Variants in TMEM26 observed in about 807,000 individuals in gnomAD.
The protein encoded by TMEM26 is transmembrane protein 26.
In TMEM26, 38 loss-of-function variants were observed where a neutral mutation model predicts 28.8. The observed-to-expected ratio is 1.32, with a 90% confidence interval of 1.02 to 1.73. The LOEUF (loss-of-function observed/expected upper bound fraction) is 1.73, where lower values mean the gene tolerates loss of function less well. TMEM26 is among the 40% of genes most tolerant of loss of function. The pLI, the probability that TMEM26 is intolerant of heterozygous loss-of-function variation, is 0.00. For synonymous variants in TMEM26, 227 were observed against 182.9 expected (o/e 1.24, Z -1.95); for missense variants, 518 against 447.1 (o/e 1.16, Z -1.43).
chr10:61,424,032 T>C (rs762242417), intron 4 of TMEM26, among the ~76,000 whole-genome samples: 80 of 152,190 alleles, frequency 5.3e-4, no homozygotes, highest in Non-Finnish European at 5.3e-4. Context: ...GCTTATCTTT[T>C]GAGATTGAAA....
In TMEM26 at chr10:61,410,477, G is replaced by C; in HGVS notation, c.952C>G (p.Gln318Glu). 6.2e-7 allele frequency: 1 copy of C among 1,614,130 alleles called. No homozygotes were observed. Among genetic ancestry groups the C allele is most frequent in the South Asian group, 1.1e-5 (1 of 91,066 alleles). The change falls in exon 6 of 6, where the codon CAG (glutamine) becomes GAG (glutamate). Residue 318 changes from glutamine (Q) to glutamate (E), a missense_variant. Gln to Glu is a conservative substitution (Grantham distance 29, BLOSUM62 2). Transcript: ENST00000399298. The part of the protein sequence containing the change: ...ALAVRASLRS[Q>E]SEGLKGEHGC... ...TGTTCTCCTTTCAGGCCTTCTGACTGACTTCTCAACGAAGCACGGACTGCC... is the reference window on the plus strand; with the variant it reads ...TGTTCTCCTTTCAGGCCTTCTGACTCACTTCTCAACGAAGCACGGACTGCC...
At chr10:61,450,054 A>T (rs1306222887) in intron 1 of TMEM26, among the ~76,000 whole-genome samples, 2 of 152,164 alleles carry the variant, frequency 1.3e-5, no homozygotes, top group African/African-American at 2.4e-5. Flanking sequence ...CTGATGGACA[A>T]TCAGTATGCT....
chr10:61,434,956 A>G (rs2135318248), intron 2 of TMEM26, among the ~76,000 whole-genome samples: 1 of 152,300 alleles, frequency 6.6e-6, no homozygotes, highest in East Asian at 1.9e-4. Context: ...AAGTTACCAA[A>G]ATATTATTAG....
At chr10:61,441,399 ATC>A (rs1840090638) in intron 1 of TMEM26, among the ~76,000 whole-genome samples, 9 of 152,188 alleles carry the variant, frequency 5.9e-5, no homozygotes, top group Admixed American at 3.9e-4. Flanking sequence ...TTAGTGTGAT[ATC>A]TTTGCCATTA....
intron 4 of TMEM26, chr10:61,416,217 C>T: frequency 2.5e-6 from 1 of 394,888 alleles, no homozygotes; most frequent in South Asian, 1.9e-5. Flanking sequence ...TCATCTAATC[C>T]CAAACTTCAA....
rs952783583 is a variant in TMEM26, at chr10:61,429,058, A to G, written c.473T>C (p.Ile158Thr). 1 of 1,613,404 alleles carries G rather than the reference A, an allele frequency of 6.2e-7. No homozygotes were observed. Among genetic ancestry groups the G allele is most frequent in the Non-Finnish European group, 8.5e-7 (1 of 1,179,502 alleles). ...LHQTFLLMLIIGRWLLPIGGG... is the reference protein window; with the variant it reads ...LHQTFLLMLITGRWLLPIGGG... Reference sequence around the variant, plus strand: ...TCCAATGGGTAGAAGCCATCTTCCAATTATTAGCATTAACAGGAATGTCTG... The same window carrying G: ...TCCAATGGGTAGAAGCCATCTTCCAGTTATTAGCATTAACAGGAATGTCTG... Residue 158 changes from isoleucine to threonine, a missense_variant, in exon 4 of 6, where the codon ATT (isoleucine) becomes ACT (threonine). Coordinates refer to ENST00000399298, the MANE Select transcript of TMEM26 (RefSeq NM_178505.8).
chr10:61,418,771 A>G (rs886220856), intron 4 of TMEM26, among the ~76,000 whole-genome samples: 3 of 151,966 alleles, frequency 2.0e-5, no homozygotes, highest in Non-Finnish European at 2.9e-5. Context: ...TTTAATAGAG[A>G]GATTCTTAAA....
At chr10:61,445,329 G>A (rs1437783336) in intron 1 of TMEM26, among the ~76,000 whole-genome samples, 1 of 152,150 alleles carries the variant, frequency 6.6e-6, no homozygotes, top group African/African-American at 2.4e-5. Flanking sequence ...TGGGAAATAA[G>A]AAAGCAAAGG....
At chr10:61,430,930 A>C (rs1390696518) in intron 3 of TMEM26, among the ~76,000 whole-genome samples, 1 of 152,060 alleles carries the variant, frequency 6.6e-6, no homozygotes, top group Non-Finnish European at 1.5e-5. Context: ...TCATTGTTTC[A>C]TAAATGTATA....
chr10:61,429,984 G>A (rs1003551731), intron 3 of TMEM26, among the ~76,000 whole-genome samples: 6 of 152,020 alleles, frequency 3.9e-5, no homozygotes, highest in African/African-American at 1.4e-4. Context: ...GATATCAAAT[G>A]CACAAGGACG....
Position 61,453,287 on chromosome 10 carries a change from G to A in TMEM26, c.-206C>T, listed in dbSNP as rs563983196. 428 of 587,150 alleles carry A rather than the reference G, an allele frequency of 7.3e-4. No homozygotes were observed. The highest frequency in any genetic ancestry group is 2.3e-3 in the Middle Eastern group (5 of 2,204). 36.4% of individuals were successfully genotyped at this position (587,150 alleles called of 1,614,324 possible). A position where few individuals can be genotyped will look rare whatever the true frequency, so the allele number is the denominator to read the frequency against. On this transcript the variant is annotated 5_prime_UTR_variant, in exon 1 of 6. Transcript: ENST00000399298. ...AAACTTCCTGAGAACTCTTCAAAGA[G>A]GGGTGAGTCCAAACCCAGCTTTTCC...
At chr10:61,451,778 T>A (rs1840285236) in intron 1 of TMEM26, among the ~76,000 whole-genome samples, 1 of 152,200 alleles carries the variant, frequency 6.6e-6, no homozygotes, top group Non-Finnish European at 1.5e-5. Flanking sequence ...AAAATGTAAG[T>A]AAGATTCACA....
chr10:61,417,515 G>C (rs1318813350), intron 4 of TMEM26, among the ~76,000 whole-genome samples: 1 of 146,844 alleles, frequency 6.8e-6, no homozygotes, highest in African/African-American at 2.5e-5. Flanking sequence ...AAAAATAATA[G>C]AAAGGAAGAA....
intron 1 of TMEM26, among the ~76,000 whole-genome samples, chr10:61,445,903 G>A (rs1840172849): frequency 6.6e-6 from 1 of 152,114 alleles, no homozygotes; most frequent in Admixed American, 6.5e-5. Context: ...ACTGCCATGA[G>A]AAGAAATGCA....
Position 61,406,984 on chromosome 10 carries a change from C to CTT in TMEM26, c.*3336_*3337dup, listed in dbSNP as rs145392546. ...TGAAATTAGAAAAAAAAAAAATCCC[C>CTT]TTTTTTTCTTGTAATTCAAGACTGT... On this transcript the variant is annotated 3_prime_UTR_variant, in exon 6 of 6. Coordinates refer to ENST00000399298, the MANE Select transcript of TMEM26 (RefSeq NM_178505.8). 14 of 151,878 alleles carry CTT rather than the reference C, an allele frequency of 9.2e-5. No homozygotes were observed. The highest frequency in any genetic ancestry group is 3.4e-4 in the African/African-American group (14 of 41,360). 9.4% of individuals were successfully genotyped at this position (151,878 alleles called of 1,614,324 possible). A position where few individuals can be genotyped will look rare whatever the true frequency, so the allele number is the denominator to read the frequency against.
At chr10:61,432,794 A>G (rs1839943874) in intron 2 of TMEM26, among the ~76,000 whole-genome samples, 1 of 152,182 alleles carries the variant, frequency 6.6e-6, no homozygotes, top group South Asian at 2.1e-4. Context: ...CCAAACGACT[A>G]GTATTATGGT....
intron 1 of TMEM26, among the ~76,000 whole-genome samples, chr10:61,444,433 G>C (rs899438300): frequency 3.9e-5 from 6 of 152,068 alleles, no homozygotes; most frequent in African/African-American, 1.4e-4. Context: ...CTGTTCTGTA[G>C]AGGAGATTGG....
chr10:61,435,095 G>A (rs557004463), intron 2 of TMEM26, among the ~76,000 whole-genome samples: 1 of 152,298 alleles, frequency 6.6e-6, no homozygotes, highest in South Asian at 2.1e-4. Flanking sequence ...GTATATGACT[G>A]CACTCAACCT....
rs956007147 is a variant in TMEM26, at chr10:61,453,006, G to A, written c.76C>T (p.Arg26Ter). The change falls in exon 1 of 6, where the codon CGA (arginine) becomes TGA (stop). Residue 26 changes from arginine (R) to a stop codon, truncating the protein, a stop_gained. Transcript: ENST00000399298. LOFTEE classifies it high-confidence loss of function. ...FLLHSLVGVW[R>*]VTEVKKEPRY... ...GGCTCCTTCTTCACCTCGGTCACTC[G>A]CCAGACCCCGACCAGCGAGTGCAGC... 2 of 1,613,810 alleles carry A rather than the reference G, an allele frequency of 1.2e-6. No homozygotes were observed. The highest frequency in any genetic ancestry group is 2.2e-5 in the East Asian group (1 of 44,848).
Sources: gnomAD v4.1 joint callset for allele counts (sites outside exome capture counted in the v4.1 genomes callset) on GRCh38, gnomAD v4.1.1 for gene constraint, MANE v1.5 for transcripts, NCBI Gene and HGNC (gene_info 2026-07-23, HGNC 2026-07-21) for gene names.